Variants in ZNF7 observed in about 807,000 individuals in gnomAD.
ZNF7 encodes the protein zinc finger protein 7.
ZNF7 carries 10 observed loss-of-function variants against 12.0 expected under a neutral mutation model. The observed-to-expected ratio is 0.83, with a 90% CI of 0.51 to 1.42. ZNF7 has a LOEUF of 1.42. Ranked by LOEUF, ZNF7 falls within the 40% of genes most tolerant of loss-of-function variation. The probability of loss-of-function intolerance (pLI) is 0.00; values close to 1 mark genes in which losing one functional copy is unlikely to be tolerated. For synonymous variants in ZNF7, 334 were observed against 295.0 expected (o/e 1.13, Z -1.35); for missense variants, 854 against 837.2 (o/e 1.02, Z -0.25).
At chr8:144,837,898 C>T in intron 4 of ZNF7, 2 of 587,248 alleles carry the variant, frequency 3.4e-6, no homozygotes, top group Non-Finnish European at 6.1e-6. Flanking sequence ...CCTGAGGCAG[C>T]TCCCTTCAGA....
chr8:144,845,638 CCAA>C (rs562494934), downstream of ZNF7, among the ~76,000 whole-genome samples: 31 of 152,192 alleles, frequency 2.0e-4, no homozygotes, highest in Non-Finnish European at 3.4e-4. Context: ...AGGCATGAGG[CCAA>C]CTGTAAGACC....
downstream of ZNF7, chr8:144,846,926 C>G (rs1830543302): frequency 6.6e-6 from 1 of 152,214 alleles, no homozygotes; most frequent in Non-Finnish European, 1.5e-5. Flanking sequence ...TCTCGATCTT[C>G]TGACCTCGTG....
At chr8:144,845,450 G>A (rs79538429), downstream of ZNF7, among the ~76,000 whole-genome samples, 823 of 152,196 alleles carry the variant, frequency 5.4e-3, 6 homozygotes, top group African/African-American at 0.019. Flanking sequence ...TGGGGTTCTT[G>A]GCACATGCAG....
At chr8:144,837,243 C>A in intron 3 of ZNF7, 148 bp from the exon 4 acceptor site, 1 of 601,828 alleles carries the variant, frequency 1.7e-6, no homozygotes. Context: ...CAGATTCTCC[C>A]CACCCTCCAC....
At position 144,843,034 on chromosome 8, in the gene ZNF7, T is replaced by G; in HGVS notation, c.1927T>G (p.Phe643Val). 6.2e-7 allele frequency: 1 copy of G among 1,614,198 alleles called. No homozygotes were observed. Among genetic ancestry groups the G allele is most frequent in the Non-Finnish European group, 8.5e-7 (1 of 1,180,040 alleles). ...LHQCEDCEKI[F>V]RWRSHLIIHQ... ...TCAGTGTGAAGACTGTGAGAAGATA[T>G]TTAGGTGGCGTTCACACCTAATTAT... The change falls in exon 5 of 5, where the codon TTT becomes GTT. Residue 643 changes from phenylalanine (F) to valine (V), a missense_variant. By Grantham distance (50) the Phe-to-Val change is conservative (BLOSUM62 -1). Coordinates refer to ENST00000532777, the MANE Select transcript of ZNF7 (RefSeq NM_003416.4).
chr8:144,838,936 C>T (rs1308953948), intron 4 of ZNF7: 3 of 113,886 alleles, frequency 2.6e-5, no homozygotes, highest in Non-Finnish European at 3.4e-5. Flanking sequence ...AGCGAGATGA[C>T]GTCTCAAAAA....
In ZNF7 at chr8:144,827,614, G is replaced by T; in HGVS notation, c.-46+5G>T. On this transcript the variant is annotated splice_donor_5th_base_variant and intron_variant, in intron 1 of 4. Transcript: ENST00000532777. ...CTCGGGTGGTCCTCAGGGAGGGTGA[G>T]TCGGCGCGGCGGGCGCGGACTCGGG... 1.0e-6 allele frequency: 1 copy of T among 985,540 alleles called. No homozygotes were observed. The highest frequency in any genetic ancestry group is 1.2e-6 in the Non-Finnish European group (1 of 830,002). The allele number at this position is 985,540 out of a possible 1,614,324, so 61.0% of individuals were successfully genotyped here.
rs374481400 is a variant in ZNF7 at position 144,842,597 on chromosome 8, A to G, written c.1490A>G (p.Tyr497Cys). 2.7e-5 allele frequency: 44 copies of G among 1,614,100 alleles called. No homozygotes were observed. Among genetic ancestry groups the G allele is most frequent in the Non-Finnish European group, 3.4e-5 (40 of 1,180,056 alleles). ...HQRIHTGEKP[Y>C]VCNDCGKAFS... is the part of the protein sequence containing the mutation. ...CGAATCCACACTGGAGAGAAACCCT[A>G]TGTGTGTAATGACTGTGGAAAAGCC... Residue 497 changes from tyrosine to cysteine, a missense_variant, in exon 5 of 5, where the codon TAT becomes TGT. Tyr to Cys is a radical substitution (Grantham distance 194, BLOSUM62 -2). Coordinates refer to ENST00000532777, the MANE Select transcript of ZNF7 (RefSeq NM_003416.4).
At chr8:144,841,279 TG>T in intron 4 of ZNF7, 75 bp from the exon 5 acceptor site, 3 of 1,453,694 alleles carry the variant, frequency 2.1e-6, no homozygotes, top group Non-Finnish European at 2.8e-6. Flanking sequence ...CCTTGAGCCC[TG>T]GCCCCCGCAT....
intron 4 of ZNF7, among the ~76,000 whole-genome samples, chr8:144,840,497 G>A (rs1829743407): frequency 1.3e-5 from 2 of 152,188 alleles, no homozygotes; most frequent in Admixed American, 6.5e-5. Context: ...TGGGGACCGT[G>A]GTTGTCATGA....
At chr8:144,833,366 TTG>T (rs71516060) in intron 3 of ZNF7, among the ~76,000 whole-genome samples, 79,104 of 151,416 alleles carry the variant, frequency 0.52, 21,888 homozygotes, top group Non-Finnish European at 0.62. Context: ...GTTTGTTCAT[TTG>T]TGTTTTTGGC....
intron 3 of ZNF7, among the ~76,000 whole-genome samples, chr8:144,830,656 C>T (rs1828337174): frequency 6.6e-6 from 1 of 151,970 alleles, no homozygotes; most frequent in South Asian, 2.1e-4. Context: ...TTTTAAAGAG[C>T]CCTCTTAGAC....
chr8:144,846,915 G>C (rs1830542387), downstream of ZNF7: 1 of 152,288 alleles, frequency 6.6e-6, no homozygotes, highest in South Asian at 2.1e-4. Context: ...TAGCCAGCTG[G>C]TCTCGATCTT....
rs116852637 is a variant in ZNF7 at position 144,831,268 on chromosome 8, C to T, written c.130+1664C>T. 3.5e-3 allele frequency among the ~76,000 whole-genome samples: 539 copies of T among 152,292 alleles called. 2 individuals carry two copies. Among genetic ancestry groups the T allele is most frequent in the African/African-American group, 5.8e-3 (241 of 41,562 alleles). On this transcript the variant is annotated intron_variant, in intron 3 of 4. Coordinates refer to ENST00000532777, the MANE Select transcript of ZNF7 (RefSeq NM_003416.4). ...GCTTCTGTCTATTTATAACGTCCTG[C>T]TGCTGTGCCAAGTCACAGGGTAAAG...
intron 4 of ZNF7, among the ~76,000 whole-genome samples, chr8:144,839,304 G>C (rs1352211390): frequency 1.3e-5 from 2 of 152,266 alleles, no homozygotes; most frequent in African/African-American, 2.4e-5. Context: ...GGGCCTTGCA[G>C]CCGCCCAGGA....
chr8:144,840,189 G>T (rs1829694838), intron 4 of ZNF7, among the ~76,000 whole-genome samples: 1 of 152,256 alleles, frequency 6.6e-6, no homozygotes, highest in East Asian at 1.9e-4. Flanking sequence ...GAGGTGGTGT[G>T]GTTGTGCAGG....
chr8:144,837,579 G>A (rs966504876), intron 4 of ZNF7, 72 bp downstream of exon 4: 4 of 1,180,880 alleles, frequency 3.4e-6, no homozygotes, highest in Admixed American at 4.3e-5. Context: ...CACAACTGTG[G>A]GTAGCTGTGG....
chr8:144,843,228 T>C lies in ZNF7; in HGVS notation c.*60T>C. The C allele has an allele frequency of 1.3e-6, 2 of 1,487,626 alleles. No homozygotes were observed. The highest frequency in any genetic ancestry group is 2.3e-5 in the East Asian group (1 of 43,828). The allele number at this position is 1,487,626 out of a possible 1,614,324, so 92.2% of individuals were successfully genotyped here. ...AACCTATAGCCTTAACTTACTTATT[T>C]TATATGGAATCGTTTATACTGACAA... is the stretch of plus-strand genomic sequence containing the variant. On this transcript the variant is annotated 3_prime_UTR_variant, in exon 5 of 5. Transcript: ENST00000532777.
chr8:144,844,584 C>T (rs1022037598), downstream of ZNF7, among the ~76,000 whole-genome samples: 45 of 151,816 alleles, frequency 3.0e-4, no homozygotes, highest in Non-Finnish European at 1.5e-5. Flanking sequence ...GTGGCGGGCA[C>T]CTGTAGTCTC....
Sources: gnomAD v4.1 joint callset for allele counts (sites outside exome capture counted in the v4.1 genomes callset) on GRCh38, gnomAD v4.1.1 for gene constraint, MANE v1.5 for transcripts, NCBI Gene and HGNC (gene_info 2026-07-23, HGNC 2026-07-21) for gene names.